NR6A1: variants seen among roughly 807,000 people sequenced by gnomAD.
NR6A1 encodes retinoic acid receptor-related testis-associated receptor.
A neutral mutation model predicts 59.1 loss-of-function variants in NR6A1; 7 were observed. That is an observed-to-expected ratio of 0.12 (90% CI 0.07 to 0.22). The LOEUF (loss-of-function observed/expected upper bound fraction) is 0.22, where lower values mean the gene tolerates loss of function less well. Among genes scored for constraint, NR6A1 ranks in the 10% least tolerant of loss-of-function variants. NR6A1 has a pLI of 1.00. For missense variants in NR6A1, 468 were observed against 611.6 expected, an observed-to-expected ratio of 0.77 and a Z score of 2.48; for synonymous variants, 243 against 236.1, an observed-to-expected ratio of 1.03 and a Z score of -0.27.
At chr9:124,552,537 C>T (rs891730067) in intron 3 of NR6A1, among the ~76,000 whole-genome samples, 1 of 152,180 alleles carries the variant, frequency 6.6e-6, no homozygotes, top group African/African-American at 2.4e-5. Flanking sequence ...ATGTAAACAG[C>T]TATGCCACAT....
In NR6A1 at chr9:124,651,951, A is replaced by C. The variant is rs192476384; in HGVS notation, c.142+81357T>G. ...AAAGAGGCCCAAAAGCTTGACAGCCAATCTAATTTAAGTCCAAAGGAGAAG... is the reference window on the plus strand; with the variant it reads ...AAAGAGGCCCAAAAGCTTGACAGCCCATCTAATTTAAGTCCAAAGGAGAAG... On this transcript the variant is annotated intron_variant, in intron 2 of 9. Transcript: ENST00000487099. Among the ~76,000 whole-genome samples, 94 of 152,306 alleles carry C rather than the reference A, an allele frequency of 6.2e-4. No homozygotes were observed. The East Asian group carries it at 0.015, about 25-fold the overall frequency.
intron 2 of NR6A1, among the ~76,000 whole-genome samples, chr9:124,565,232 T>C (rs1026367623): frequency 6.6e-6 from 1 of 151,962 alleles, no homozygotes; most frequent in Non-Finnish European, 1.5e-5. Context: ...ATCAAGACCA[T>C]CCTGGCTAAC....
chr9:124,769,689 T>C lies in NR6A1; in HGVS notation c.100+1331A>G, dbSNP rs564593256. ...ATGGCGCAGCGAGGGGAGGAGGCAC[T>C]GATCTCTGAGAGCCTCCCTTTATTC... On this transcript the variant is annotated intron_variant, in intron 1 of 9. Coordinates refer to ENST00000487099, the MANE Select transcript of NR6A1 (RefSeq NM_033334.4). 6.3e-4 allele frequency among the ~76,000 whole-genome samples: 96 copies of C among 152,242 alleles called. 1 individual carries two copies. In the South Asian group the frequency reaches 0.018, roughly 29 times the overall value.
Position 124,771,287 on chromosome 9 carries a change from C to G in NR6A1, c.-168G>C. The G allele has an allele frequency of 2.6e-6, 1 of 391,624 alleles. No individual in the cohort carries two copies. 24.3% of individuals were successfully genotyped at this position (391,624 alleles called of 1,614,324 possible). The stretch of plus-strand genomic sequence containing the variant: ...CCCGGCTCCGCGCCGCTCCGCGCCC[C>G]TCCGCGCCGCGCCCCCTCAGCACTG... On this transcript the variant is annotated 5_prime_UTR_variant, in exon 1 of 10. Transcript: ENST00000487099.
chr9:124,683,057 T>C (rs1338246862), intron 2 of NR6A1, among the ~76,000 whole-genome samples: 2 of 151,788 alleles, frequency 1.3e-5, no homozygotes, highest in African/African-American at 2.4e-5. Flanking sequence ...AATTTAAAAA[T>C]TAGACATGGT....
At chr9:124,738,062 T>C (rs1158344667) in intron 1 of NR6A1, among the ~76,000 whole-genome samples, 2 of 152,122 alleles carry the variant, frequency 1.3e-5, no homozygotes, top group Non-Finnish European at 2.9e-5. Context: ...AAGACCAGCC[T>C]GGCCAACATA....
At chr9:124,728,927 T>C (rs1417660941) in intron 2 of NR6A1, among the ~76,000 whole-genome samples, 2 of 152,212 alleles carry the variant, frequency 1.3e-5, no homozygotes, top group East Asian at 3.8e-4. Flanking sequence ...ATTATTTGGG[T>C]TAAACTGGAC....
At chr9:124,685,473 C>T (rs1365584978) in intron 2 of NR6A1, among the ~76,000 whole-genome samples, 4 of 152,180 alleles carry the variant, frequency 2.6e-5, no homozygotes, top group African/African-American at 9.7e-5. Context: ...GAACTACTGG[C>T]AGACATCACA....
intron 7 of NR6A1, among the ~76,000 whole-genome samples, chr9:124,533,942 C>T (rs930944031): frequency 6.6e-6 from 1 of 152,164 alleles, no homozygotes; most frequent in African/African-American, 2.4e-5. Flanking sequence ...AGCCACCGCA[C>T]CCGGCCAGGG....
chr9:124,675,629 C>G (rs1837931461), intron 2 of NR6A1, among the ~76,000 whole-genome samples: 1 of 152,222 alleles, frequency 6.6e-6, no homozygotes, highest in Non-Finnish European at 1.5e-5. Flanking sequence ...TGCATGCCTG[C>G]TGATATTTCT....
chr9:124,568,169 C>CAAAAAAAAAAA (rs34652433), intron 2 of NR6A1, among the ~76,000 whole-genome samples: 7 of 30,448 alleles, frequency 2.3e-4, no homozygotes, highest in African/African-American at 6.3e-4. Context: ...TACTTCATCT[C>CAAAAAAAAAAA]AAAAAAAAAA....
intron 2 of NR6A1, among the ~76,000 whole-genome samples, chr9:124,685,032 G>A (rs1297724263): frequency 6.6e-6 from 1 of 152,090 alleles, no homozygotes; most frequent in Non-Finnish European, 1.5e-5. Flanking sequence ...AGACAGAGTG[G>A]TATAATTATG....
Position 124,708,738 on chromosome 9 carries a change from T to C in NR6A1, c.142+24570A>G, listed in dbSNP as rs909542704. On this transcript the variant is annotated intron_variant, in intron 2 of 9. Coordinates refer to ENST00000487099, the MANE Select transcript of NR6A1 (RefSeq NM_033334.4). ...TAAGCTGGACAAGCCCCAGGGCCAATGATGACTAGGGCAAAAGTACACAAT... is the reference window on the plus strand; with the variant it reads ...TAAGCTGGACAAGCCCCAGGGCCAACGATGACTAGGGCAAAAGTACACAAT... Among the ~76,000 whole-genome samples, 4 of 152,184 alleles carry C rather than the reference T, an allele frequency of 2.6e-5. No individual in the cohort carries two copies. The East Asian group carries it at 7.7e-4, about 29-fold the overall frequency.
chr9:124,735,113 G>A (rs992664856), intron 1 of NR6A1, among the ~76,000 whole-genome samples: 2 of 152,158 alleles, frequency 1.3e-5, no homozygotes, highest in African/African-American at 2.4e-5. Context: ...CAAAGTGCTG[G>A]GATTACAGAA....
chr9:124,706,521 T>C (rs538047050), intron 2 of NR6A1, among the ~76,000 whole-genome samples: 124 of 149,732 alleles, frequency 8.3e-4, no homozygotes, highest in African/African-American at 2.9e-3. Flanking sequence ...ATTTAACAAT[T>C]TTTTTTTTTT....
At chr9:124,561,946 A>T (rs1410659836) in intron 2 of NR6A1, among the ~76,000 whole-genome samples, 3 of 152,332 alleles carry the variant, frequency 2.0e-5, no homozygotes, top group South Asian at 2.1e-4. Flanking sequence ...CAAAAAACTT[A>T]AAAAAATGTT....
At chr9:124,736,107 C>T (rs1313739916) in intron 1 of NR6A1, among the ~76,000 whole-genome samples, 3 of 152,102 alleles carry the variant, frequency 2.0e-5, no homozygotes, top group East Asian at 1.9e-4. Flanking sequence ...GACTCAAAAA[C>T]GGGACAAAAG....
chr9:124,665,369 G>A (rs1837581890), intron 2 of NR6A1, among the ~76,000 whole-genome samples: 1 of 152,022 alleles, frequency 6.6e-6, no homozygotes, highest in Non-Finnish European at 1.5e-5. Flanking sequence ...TAAACTATAA[G>A]ATCTTAACAG....
chr9:124,617,806 G>T (rs1835943155), intron 2 of NR6A1, among the ~76,000 whole-genome samples: 1 of 152,124 alleles, frequency 6.6e-6, no homozygotes, highest in African/African-American at 2.4e-5. Context: ...TGGGAGGTAT[G>T]GCAGACCCTC....
Sources: allele counts gnomAD v4.1 joint callset (sites outside exome capture counted in the v4.1 genomes callset), GRCh38; gene constraint gnomAD v4.1.1; transcripts MANE v1.5; gene names NCBI Gene and HGNC (gene_info 2026-07-23, HGNC 2026-07-21).